The following FAF1 variants were observed in gnomAD, a reference collection of about 807,000 sequenced individuals.
FAF1 encodes the protein FAS-associated factor 1.
FAF1 carries 25 observed loss-of-function variants against 92.5 expected under a neutral mutation model. That is an observed-to-expected ratio of 0.27 (90% CI 0.20 to 0.38). FAF1 has a LOEUF of 0.38. Ranked by LOEUF, FAF1 falls within the 10% of genes least tolerant of loss-of-function variation. The pLI is 1.00. For synonymous variants in FAF1, 234 were observed against 273.2 expected (o/e 0.86, Z 1.42); for missense variants, 636 against 793.3 (o/e 0.80, Z 2.38).
chr1:50,853,230 A>C (rs1644365126), intron 2 of FAF1, among the ~76,000 whole-genome samples: 1 of 152,162 alleles, frequency 6.6e-6, no homozygotes, highest in South Asian at 2.1e-4. Flanking sequence ...ATGAAATTTT[A>C]GGGCAAACAT....
At chr1:50,853,668 C>G (rs1043105573) in intron 2 of FAF1, among the ~76,000 whole-genome samples, 1 of 151,934 alleles carries the variant, frequency 6.6e-6, no homozygotes, top group African/African-American at 2.4e-5. Context: ...ATTGGGTTAT[C>G]AAGTATATGT....
intron 1 of FAF1, among the ~76,000 whole-genome samples, chr1:50,919,475 G>A (rs1224728436): frequency 3.3e-5 from 5 of 151,984 alleles, no homozygotes; most frequent in African/African-American, 9.7e-5. Flanking sequence ...GGCTGCCGGG[G>A]GGTAAATAGA....
intron 2 of FAF1, among the ~76,000 whole-genome samples, chr1:50,848,282 T>C (rs991308446): frequency 2.6e-5 from 4 of 152,074 alleles, no homozygotes; most frequent in African/African-American, 9.7e-5. Flanking sequence ...TATGCAAAAG[T>C]AAATTGCATG....
At chr1:50,701,132 ATC>A (rs1657456450) in intron 7 of FAF1, among the ~76,000 whole-genome samples, 1 of 152,262 alleles carries the variant, frequency 6.6e-6, no homozygotes, top group Admixed American at 6.5e-5. Flanking sequence ...AGAAGAAATT[ATC>A]TCTTTCATTC....
At chr1:50,495,649 T>C (rs1473988585) in intron 15 of FAF1, among the ~76,000 whole-genome samples, 1 of 152,224 alleles carries the variant, frequency 6.6e-6, no homozygotes, top group Non-Finnish European at 1.5e-5. Flanking sequence ...CTGGATCATA[T>C]GGTAGCTCTA....
intron 12 of FAF1, among the ~76,000 whole-genome samples, chr1:50,573,023 C>T (rs1442944898): frequency 2.6e-5 from 4 of 151,780 alleles, no homozygotes; most frequent in Admixed American, 2.6e-4. Context: ...AAAAGTAGGA[C>T]ATCAATGCTA....
At chr1:50,738,517 A>C (rs1403864114) in intron 6 of FAF1, among the ~76,000 whole-genome samples, 1 of 151,924 alleles carries the variant, frequency 6.6e-6, no homozygotes, top group African/African-American at 2.4e-5. Context: ...AATTTTCCTC[A>C]AAGGTATGCT....
chr1:50,653,534 G>C (rs574564503), intron 8 of FAF1, among the ~76,000 whole-genome samples: 1 of 152,098 alleles, frequency 6.6e-6, no homozygotes, highest in Non-Finnish European at 1.5e-5. Flanking sequence ...ATTTTTGGTA[G>C]AGACAGGGTT....
intron 8 of FAF1, among the ~76,000 whole-genome samples, chr1:50,626,664 C>T (rs192293891): frequency 6.6e-6 from 1 of 152,206 alleles, no homozygotes; most frequent in Admixed American, 6.5e-5. Flanking sequence ...CCGGTCTTTA[C>T]ATGGGAAGAT....
At chr1:50,916,111 T>C (rs916736517) in intron 1 of FAF1, among the ~76,000 whole-genome samples, 6 of 152,190 alleles carry the variant, frequency 3.9e-5, no homozygotes, top group African/African-American at 1.2e-4. Context: ...CACCAGACAT[T>C]TGAGGAAAGC....
intron 7 of FAF1, among the ~76,000 whole-genome samples, chr1:50,699,431 C>CA (rs1406750525): frequency 6.6e-6 from 1 of 151,668 alleles, no homozygotes; most frequent in African/African-American, 2.4e-5. Context: ...AAGCATATTC[C>CA]AAAGTAAGAT....
intron 1 of FAF1, among the ~76,000 whole-genome samples, chr1:50,924,316 A>G (rs1004101296): frequency 1.4e-4 from 22 of 152,090 alleles, no homozygotes; most frequent in African/African-American, 5.3e-4. Context: ...TCCCATTTAC[A>G]ATAGCTATCA....
At chr1:50,605,264 T>C (rs1006415387) in intron 8 of FAF1, among the ~76,000 whole-genome samples, 3 of 152,204 alleles carry the variant, frequency 2.0e-5, no homozygotes, top group Non-Finnish European at 4.4e-5. Context: ...AACACAGACA[T>C]CAATATTCTT....
At chr1:50,875,665 C>A (rs1440204744) in intron 1 of FAF1, among the ~76,000 whole-genome samples, 1 of 152,102 alleles carries the variant, frequency 6.6e-6, no homozygotes, top group Non-Finnish European at 1.5e-5. Flanking sequence ...GTTGGTCAGG[C>A]TGGTCTCGAA....
intron 7 of FAF1, among the ~76,000 whole-genome samples, chr1:50,673,708 T>G (rs562256257): frequency 2.6e-5 from 4 of 152,184 alleles, no homozygotes; most frequent in Non-Finnish European, 5.9e-5. Context: ...GTGTTCCAGA[T>G]AGAGAAAACA....
At chr1:50,750,693 G>A (rs949983996) in intron 4 of FAF1, among the ~76,000 whole-genome samples, 4 of 147,400 alleles carry the variant, frequency 2.7e-5, no homozygotes, top group Non-Finnish European at 3.0e-5. Context: ...GCGCAATCTC[G>A]GCCCACTGTA....
intron 18 of FAF1, among the ~76,000 whole-genome samples, chr1:50,448,723 T>C (rs1646257542): frequency 6.6e-6 from 1 of 152,206 alleles, no homozygotes; most frequent in Non-Finnish European, 1.5e-5. Context: ...AATCACAATC[T>C]CTGATCAACT....
At chr1:50,936,461 G>A (rs1051643009) in intron 1 of FAF1, among the ~76,000 whole-genome samples, 4 of 152,116 alleles carry the variant, frequency 2.6e-5, no homozygotes, top group African/African-American at 9.7e-5. Context: ...AAAACTAAGA[G>A]TCAGGAGAAC....
chr1:50,637,148 A>C (rs1040665561), intron 8 of FAF1, among the ~76,000 whole-genome samples: 1 of 151,730 alleles, frequency 6.6e-6, no homozygotes, highest in African/African-American at 2.4e-5. Context: ...TTTGAAAACT[A>C]TTTTAGGCTG....
Sources: gnomAD v4.1 joint callset for allele counts (sites outside exome capture counted in the v4.1 genomes callset) on GRCh38, gnomAD v4.1.1 for gene constraint, MANE v1.5 for transcripts, NCBI Gene and HGNC (gene_info 2026-07-23, HGNC 2026-07-21) for gene names.